ARHGAP6: variants seen among roughly 807,000 people sequenced by gnomAD.
ARHGAP6 encodes the protein Rho GTPase activating protein 6.
Under a neutral mutation model 55.7 loss-of-function variants are expected in ARHGAP6, and 16 were observed. That is an observed-to-expected ratio of 0.29 (90% CI 0.19 to 0.44). The LOEUF (loss-of-function observed/expected upper bound fraction) is 0.44, where lower values mean the gene tolerates loss of function less well. ARHGAP6 is among the 20% of genes least tolerant of loss of function. The pLI, the probability that ARHGAP6 is intolerant of heterozygous loss-of-function variation, is 1.00. For missense variants in ARHGAP6, 698 were observed against 808.9 expected, an observed-to-expected ratio of 0.86 and a Z score of 1.66; for synonymous variants, 382 against 360.9, an observed-to-expected ratio of 1.06 and a Z score of -0.66.
rs187426437 is a variant in ARHGAP6 at position 11,551,431 on chromosome X, T to C, written c.588+112810A>G. 9.5e-4 allele frequency among the ~76,000 whole-genome samples: 106 copies of C among 111,687 alleles called. 1 individual carries two copies. In the Admixed American group the frequency reaches 0.01, roughly 11 times the overall value. ...ATCTAAAGAGTCAAAGTTAAACATTTGATAAACCAGAGAACCCATTATTAA... is the reference window on the plus strand; with the variant it reads ...ATCTAAAGAGTCAAAGTTAAACATTCGATAAACCAGAGAACCCATTATTAA... On this transcript the variant is annotated intron_variant, in intron 1 of 12. Coordinates refer to ENST00000337414, the MANE Select transcript of ARHGAP6 (RefSeq NM_013427.3).
chrX:11,518,537 A>T (rs1386240951), intron 1 of ARHGAP6, among the ~76,000 whole-genome samples: 1 of 97,211 alleles, frequency 1.0e-5, no homozygotes, highest in African/African-American at 3.9e-5. Context: ...TGTCTACTCC[A>T]TCAGAGTAAC....
intron 1 of ARHGAP6, among the ~76,000 whole-genome samples, chrX:11,630,231 G>A (rs147323975): frequency 0.013 from 1,469 of 111,650 alleles, 23 homozygotes; most frequent in African/African-American, 0.045. Context: ...TATGTAAAGC[G>A]TTACATTCAG....
rs2051471644 is a variant in ARHGAP6, at chrX:11,568,449, G to A, written c.588+95792C>T. ...TGGTAAAATTGCTAAATAAATAAAA[G>A]TCAAGCAATGCAACTGGTAGTAATA... On this transcript the variant is annotated intron_variant, in intron 1 of 12. Transcript: ENST00000337414. 3.6e-5 allele frequency among the ~76,000 whole-genome samples: 4 copies of A among 112,406 alleles called. No individual in the cohort carries two copies. In the Admixed American group the frequency reaches 3.8e-4, roughly 11 times the overall value.
At chrX:11,202,284 T>G (rs767454579) in intron 2 of ARHGAP6, among the ~76,000 whole-genome samples, 21 of 110,429 alleles carry the variant, frequency 1.9e-4, no homozygotes, top group African/African-American at 6.6e-4. Context: ...CCTAAGCATG[T>G]CCAGCCATCT....
intron 1 of ARHGAP6, among the ~76,000 whole-genome samples, chrX:11,609,846 C>T (rs937293177): frequency 8.9e-6 from 1 of 111,801 alleles, no homozygotes; most frequent in Admixed American, 9.5e-5. Flanking sequence ...AAAGAGGAGG[C>T]TGGGCACTAC....
At chrX:11,648,095 T>C (rs1390490811) in intron 1 of ARHGAP6, among the ~76,000 whole-genome samples, 1 of 112,312 alleles carries the variant, frequency 8.9e-6, no homozygotes, top group Non-Finnish European at 1.9e-5. Flanking sequence ...TGTTCTATTG[T>C]ACAGTAGGGT....
At chrX:11,501,934 T>C (rs1357494568) in intron 1 of ARHGAP6, among the ~76,000 whole-genome samples, 2 of 111,297 alleles carry the variant, frequency 1.8e-5, no homozygotes, top group Admixed American at 1.9e-4. Context: ...CAGTTCAAAC[T>C]TGTGTTGTTG....
Position 11,298,242 on chromosome X carries a change from AC to A in ARHGAP6, c.589-43536del, listed in dbSNP as rs387906487. 14 of 1,211,248 alleles carry A rather than the reference AC, an allele frequency of 1.2e-5. No homozygotes were observed. Among genetic ancestry groups the A allele is most frequent in the Non-Finnish European group, 1.6e-5 (14 of 895,183 alleles). The stretch of plus-strand genomic sequence containing the variant: ...AATATCTTTTTCTCTTAAGGTGCTT[AC>A]CCCTTTGAAGTGGTACCAGAGCATA... On this transcript the variant is annotated intron_variant, in intron 1 of 12. Coordinates refer to ENST00000337414, the MANE Select transcript of ARHGAP6 (RefSeq NM_013427.3).
chrX:11,517,618 T>C (rs1429278756), intron 1 of ARHGAP6, among the ~76,000 whole-genome samples: 2 of 111,579 alleles, frequency 1.8e-5, no homozygotes, highest in East Asian at 2.8e-4. Context: ...TCAAGCAGTA[T>C]GATATTGGCT....
intron 1 of ARHGAP6, among the ~76,000 whole-genome samples, chrX:11,523,049 C>T (rs1442484041): frequency 2.7e-5 from 3 of 111,753 alleles, no homozygotes; most frequent in Non-Finnish European, 5.6e-5. Flanking sequence ...ATCAAGTGGG[C>T]TTCATCCCTG....
chrX:11,393,028 A>C (rs143497256), intron 1 of ARHGAP6, among the ~76,000 whole-genome samples: 97 of 111,560 alleles, frequency 8.7e-4, no homozygotes, highest in African/African-American at 3.0e-3. Context: ...GACACTATCA[A>C]ATTCAGGAAA....
intron 1 of ARHGAP6, among the ~76,000 whole-genome samples, chrX:11,315,474 A>G (rs2048349567): frequency 8.9e-6 from 1 of 111,766 alleles, no homozygotes; most frequent in Non-Finnish European, 1.9e-5. Flanking sequence ...TAGGCCATGG[A>G]CTGGTACTGG....
chrX:11,445,216 G>A (rs2050080931), intron 1 of ARHGAP6, among the ~76,000 whole-genome samples: 1 of 112,187 alleles, frequency 8.9e-6, no homozygotes, highest in African/African-American at 3.2e-5. Flanking sequence ...AGTTAAGGCT[G>A]AAGACTTGAA....
chrX:11,489,845 G>C (rs778215706), intron 1 of ARHGAP6, among the ~76,000 whole-genome samples: 1 of 111,750 alleles, frequency 8.9e-6, no homozygotes. Context: ...TGACCATAGA[G>C]AAAAGAAGGC....
At chrX:11,417,927 TA>T (rs200654266) in intron 1 of ARHGAP6, among the ~76,000 whole-genome samples, 4,068 of 112,022 alleles carry the variant, frequency 0.036, 182 homozygotes, top group African/African-American at 0.13. Context: ...TTAAGTGAGA[TA>T]ATATATGTAG....
At chrX:11,449,367 C>G (rs1412204769) in intron 1 of ARHGAP6, among the ~76,000 whole-genome samples, 1 of 112,150 alleles carries the variant, frequency 8.9e-6, no homozygotes, top group African/African-American at 3.2e-5. Context: ...AATCTGACAT[C>G]CAGGCAGCCA....
At position 11,599,603 on chromosome X, in the gene ARHGAP6, T is replaced by G. The variant is rs146371897; in HGVS notation, c.588+64638A>C. ...GAACTCACAGAAGCCGAGAGAAGAA[T>G]GGTAGTTTTCAGGGGCTGGGGGAAC... On this transcript the variant is annotated intron_variant, in intron 1 of 12. Coordinates refer to ENST00000337414, the MANE Select transcript of ARHGAP6 (RefSeq NM_013427.3). Among the ~76,000 whole-genome samples the G allele has an allele frequency of 3.0e-4, 34 of 111,845 alleles. No individual in the cohort carries two copies. The East Asian group carries it at 9.5e-3, about 31-fold the overall frequency.
chrX:11,520,248 G>C (rs1374969308), intron 1 of ARHGAP6, among the ~76,000 whole-genome samples: 2 of 90,877 alleles, frequency 2.2e-5, no homozygotes. Flanking sequence ...TGCCATGTTG[G>C]TGTGCTGCAC....
chrX:11,315,233 A>G (rs1269259336), intron 1 of ARHGAP6, among the ~76,000 whole-genome samples: 1 of 112,427 alleles, frequency 8.9e-6, no homozygotes, highest in Non-Finnish European at 1.9e-5. Context: ...GTGGAAGACA[A>G]CTTTTCCACA....
Sources: allele counts gnomAD v4.1 joint callset (sites outside exome capture counted in the v4.1 genomes callset), GRCh38; gene constraint gnomAD v4.1.1; transcripts MANE v1.5; gene names NCBI Gene and HGNC (gene_info 2026-07-23, HGNC 2026-07-21).